ADGRL3: variants seen among roughly 807,000 people sequenced by gnomAD.
ADGRL3 encodes the protein adhesion G protein-coupled receptor L3.
In ADGRL3, 62 loss-of-function variants were observed where a neutral mutation model predicts 153.5. That is an observed-to-expected ratio of 0.40 (90% CI 0.33 to 0.50). ADGRL3 has a LOEUF of 0.50. Among genes scored for constraint, ADGRL3 ranks in the 20% least tolerant of loss-of-function variants. The pLI is 0.47. For synonymous variants in ADGRL3, 710 were observed against 672.5 expected, an observed-to-expected ratio of 1.06 and a Z score of -0.86; for missense variants, 1,641 against 1,859.4, an observed-to-expected ratio of 0.88 and a Z score of 2.16.
chr4:61,764,483 C>A (rs922774180), intron 8 of ADGRL3, among the ~76,000 whole-genome samples: 1 of 149,822 alleles, frequency 6.7e-6, no homozygotes, highest in African/African-American at 2.5e-5. Flanking sequence ...GCTTTTGGAG[C>A]CAGGATGAGC....
rs562284490 is a variant in ADGRL3 at position 61,648,179 on chromosome 4, A to T, written c.474-28647A>T. Reference sequence around the variant, plus strand: ...GGTGAAGGGATAGAAGACACTGTGCACACCCTTTATACTCCTGGAATAAGC... The same window carrying T: ...GGTGAAGGGATAGAAGACACTGTGCTCACCCTTTATACTCCTGGAATAAGC... On this transcript the variant is annotated intron_variant, in intron 5 of 26. Transcript: ENST00000683033. Among the ~76,000 whole-genome samples, 19 of 152,218 alleles carry T rather than the reference A, an allele frequency of 1.2e-4. No homozygotes were observed. The South Asian group carries it at 2.1e-3, about 17-fold the overall frequency.
chr4:61,946,858 G>T, intron 15 of ADGRL3, 56 bp from the exon 16 acceptor site: 3 of 1,306,634 alleles, frequency 2.3e-6, no homozygotes, highest in Middle Eastern at 1.8e-4. Context: ...TATCTCATTA[G>T]TACTAACTAA....
At chr4:61,939,922 A>AT (rs528565943) in intron 15 of ADGRL3, among the ~76,000 whole-genome samples, 3,247 of 109,546 alleles carry the variant, frequency 0.03, 112 homozygotes, top group African/African-American at 0.088. Flanking sequence ...AGTATATTCT[A>AT]TTTTTTTTTT....
chr4:61,832,224 G>T (rs900326967), intron 9 of ADGRL3, among the ~76,000 whole-genome samples: 1 of 152,166 alleles, frequency 6.6e-6, no homozygotes, highest in South Asian at 2.1e-4. Context: ...GGCGAGAGAT[G>T]TGTGGGCCTG....
At chr4:61,642,961 C>A (rs1181198130) in intron 5 of ADGRL3, among the ~76,000 whole-genome samples, 1 of 152,132 alleles carries the variant, frequency 6.6e-6, no homozygotes, top group South Asian at 2.1e-4. Context: ...TCTTTTATTT[C>A]CTTGAGCAGT....
At chr4:61,950,777 T>C (rs1359952584) in intron 17 of ADGRL3, among the ~76,000 whole-genome samples, 1 of 152,154 alleles carries the variant, frequency 6.6e-6, no homozygotes, top group Admixed American at 6.5e-5. Context: ...TGACAGGCGA[T>C]GCGTCTTGGA....
intron 19 of ADGRL3, among the ~76,000 whole-genome samples, chr4:61,996,060 G>A (rs545407613): frequency 5.3e-5 from 8 of 151,804 alleles, no homozygotes; most frequent in African/African-American, 1.7e-4. Context: ...TAGCAAATAG[G>A]CCCAGTGCCA....
At chr4:61,455,885 G>A (rs2097729315) in intron 2 of ADGRL3, among the ~76,000 whole-genome samples, 1 of 151,696 alleles carries the variant, frequency 6.6e-6, no homozygotes, top group Admixed American at 6.6e-5. Context: ...GTTTGATCTC[G>A]GCTCGCTACA....
At chr4:61,976,196 G>C (rs2099047428) in intron 17 of ADGRL3, among the ~76,000 whole-genome samples, 1 of 152,090 alleles carries the variant, frequency 6.6e-6, no homozygotes, top group Non-Finnish European at 1.5e-5. Flanking sequence ...ATAGGTGATT[G>C]AGTTATATAG....
intron 8 of ADGRL3, among the ~76,000 whole-genome samples, chr4:61,754,382 C>G (rs1328011310): frequency 6.6e-6 from 1 of 151,676 alleles, no homozygotes. Context: ...TATAGTTTCC[C>G]AGATTGTTGT....
intron 9 of ADGRL3, among the ~76,000 whole-genome samples, chr4:61,849,708 C>T (rs1474840613): frequency 1.3e-5 from 2 of 151,974 alleles, no homozygotes; most frequent in Non-Finnish European, 2.9e-5. Context: ...GTTAAATTTC[C>T]AATTCTTTCT....
intron 4 of ADGRL3, among the ~76,000 whole-genome samples, chr4:61,520,555 G>A (rs369529135): frequency 3.3e-5 from 5 of 151,998 alleles, no homozygotes; most frequent in African/African-American, 1.2e-4. Context: ...TCCATTTGGA[G>A]AATTACATCA....
chr4:61,617,871 G>A (rs984704840), intron 5 of ADGRL3, among the ~76,000 whole-genome samples: 14 of 152,222 alleles, frequency 9.2e-5, no homozygotes, highest in African/African-American at 3.4e-4. Context: ...TATCTAGCTA[G>A]GATTTTCTCT....
chr4:61,237,115 T>G (rs1753145627), intron 1 of ADGRL3, among the ~76,000 whole-genome samples: 1 of 152,174 alleles, frequency 6.6e-6, no homozygotes, highest in South Asian at 2.1e-4. Context: ...TTAAGTTTAT[T>G]TTCCCTATAG....
chr4:61,555,865 T>C (rs1245589143), intron 4 of ADGRL3, among the ~76,000 whole-genome samples: 1 of 152,172 alleles, frequency 6.6e-6, no homozygotes, highest in Non-Finnish European at 1.5e-5. Flanking sequence ...ATCACTGCGC[T>C]GGTGGGAGTG....
At chr4:61,965,768 A>AG in intron 17 of ADGRL3, among the ~76,000 whole-genome samples, 1 of 152,184 alleles carries the variant, frequency 6.6e-6, no homozygotes, top group Admixed American at 6.5e-5. Flanking sequence ...GAAAAAAAAA[A>AG]GCATTTGAAC....
At chr4:61,275,911 T>C (rs1163624743) in intron 1 of ADGRL3, among the ~76,000 whole-genome samples, 1 of 152,146 alleles carries the variant, frequency 6.6e-6, no homozygotes, top group Non-Finnish European at 1.5e-5. Context: ...GAATCAACTT[T>C]TATTTTATTA....
chr4:61,205,036 A>G (rs867993310), intron 1 of ADGRL3, among the ~76,000 whole-genome samples: 14 of 152,190 alleles, frequency 9.2e-5, no homozygotes, highest in Admixed American at 3.9e-4. Flanking sequence ...TGTGGCTGGC[A>G]TTGTTTCTAC....
chr4:61,402,326 T>G (rs1035199686), intron 2 of ADGRL3, among the ~76,000 whole-genome samples: 1 of 152,162 alleles, frequency 6.6e-6, no homozygotes, highest in Non-Finnish European at 1.5e-5. Context: ...TTCAAAAAAT[T>G]TTTTTAAAAA....
Sources: allele counts gnomAD v4.1 joint callset (sites outside exome capture counted in the v4.1 genomes callset), GRCh38; gene constraint gnomAD v4.1.1; transcripts MANE v1.5; gene names NCBI Gene and HGNC (gene_info 2026-07-23, HGNC 2026-07-21).